FREM1: variants seen among roughly 807,000 people sequenced by gnomAD.
FREM1 encodes the protein FRAS1 related extracellular matrix 1.
A neutral mutation model predicts 210.1 loss-of-function variants in FREM1; 220 were observed. That is an observed-to-expected ratio of 1.05 (90% confidence interval 0.94 to 1.17). The LOEUF (loss-of-function observed/expected upper bound fraction) is 1.17, where lower values mean the gene tolerates loss of function less well. Among genes scored for constraint, FREM1 ranks in the 50% most tolerant of loss-of-function variants. FREM1 has a pLI of 0.00. For missense variants in FREM1, 3,454 were observed against 2,675.5 expected, an observed-to-expected ratio of 1.29 and a Z score of -6.42; for synonymous variants, 1,189 against 980.2, an observed-to-expected ratio of 1.21 and a Z score of -3.98.
intron 1 of FREM1, among the ~76,000 whole-genome samples, chr9:14,870,898 T>C (rs1392244995): frequency 6.7e-6 from 1 of 149,308 alleles, no homozygotes; most frequent in African/African-American, 2.5e-5. Context: ...AGTGAGAATA[T>C]GCGGTGTTTG....
intron 30 of FREM1, among the ~76,000 whole-genome samples, chr9:14,749,695 C>T (rs1195218488): frequency 6.6e-6 from 1 of 152,226 alleles, no homozygotes; most frequent in Non-Finnish European, 1.5e-5. Context: ...CTGCATCTTT[C>T]ACATCTATTT....
intron 31 of FREM1, 33 bp downstream of exon 31, chr9:14,748,368 G>T: frequency 2.6e-6 from 3 of 1,163,380 alleles, no homozygotes; most frequent in Non-Finnish European, 3.8e-6. Flanking sequence ...TATGTATTTT[G>T]CACATCATTT....
rs140996562 is a variant in FREM1, at chr9:14,779,426, G to T, written c.4443-3223C>A. 105 of 918,660 alleles carry T rather than the reference G, an allele frequency of 1.1e-4. 2 individuals are homozygous for T. The East Asian group carries it at 0.01, about 90-fold the overall frequency. 56.9% of individuals were successfully genotyped at this position (918,660 alleles called of 1,614,324 possible). ...AGAAGGAAGAAGAAAGAAGGGGAGA[G>T]ATGGGACCAGGAGCAACAAACCCAA... On this transcript the variant is annotated intron_variant, in intron 24 of 36. Transcript: ENST00000380880.
intron 1 of FREM1, among the ~76,000 whole-genome samples, chr9:14,876,288 C>T (rs1032187990): frequency 6.6e-6 from 1 of 152,182 alleles, no homozygotes; most frequent in Non-Finnish European, 1.5e-5. Context: ...GAGGTGGAGC[C>T]TACAGAGGCA....
rs186137013 is a variant in FREM1 at position 14,779,283 on chromosome 9, A to C, written c.4443-3080T>G. On this transcript the variant is annotated intron_variant, in intron 24 of 36. Transcript: ENST00000380880. The stretch of plus-strand genomic sequence containing the variant: ...CAAGTGTGCTCTGTGGAGAGTGTTA[A>C]ATCAGCCATTGGTACCTTAGCGCAA... 3.2e-3 allele frequency among the ~76,000 whole-genome samples: 482 copies of C among 152,332 alleles called. 4 individuals are homozygous for C. Among genetic ancestry groups the C allele is most frequent in the African/African-American group, 0.011 (455 of 41,578 alleles).
chr9:14,851,515 C>T lies in FREM1; in HGVS notation c.921G>A (p.Val307=), dbSNP rs752047940. 1.5e-5 allele frequency: 24 copies of T among 1,613,822 alleles called. No individual in the cohort carries two copies. In the South Asian group the frequency reaches 1.8e-4, roughly 12 times the overall value. The change falls in exon 6 of 37, where the codon GTG becomes GTA. Residue 307 remains valine (V), a synonymous_variant. Coordinates refer to ENST00000380880, the MANE Select transcript of FREM1 (RefSeq NM_001379081.2). ...AAFMAVFILE[V]DQFILTSLTT... ...TCAAGGAGGTCAGGATGAACTGATC[C>T]ACTTCCAGAATAAACACGGCCATGA...
intron 13 of FREM1, among the ~76,000 whole-genome samples, chr9:14,821,302 G>T (rs1055740659): frequency 6.6e-6 from 1 of 152,020 alleles, no homozygotes; most frequent in African/African-American, 2.4e-5. Flanking sequence ...TAAAAAAAAA[G>T]AGAAGCTACC....
At chr9:14,831,505 G>C (rs1203972935) in intron 10 of FREM1, among the ~76,000 whole-genome samples, 1 of 152,194 alleles carries the variant, frequency 6.6e-6, no homozygotes, top group African/African-American at 2.4e-5. Flanking sequence ...CCACTGGCAG[G>C]AAAATGGCCA....
In FREM1 at chr9:14,842,488, C is replaced by A. The variant is rs372878782; in HGVS notation, c.1566G>T (p.Pro522=). 7 of 1,613,982 alleles carry A rather than the reference C, an allele frequency of 4.3e-6. No individual in the cohort carries two copies. Among genetic ancestry groups the A allele is most frequent in the South Asian group, 1.1e-5 (1 of 91,088 alleles). Residue 522 remains proline, a synonymous_variant, in exon 9 of 37, where the codon CCG becomes CCT. Coordinates refer to ENST00000380880, the MANE Select transcript of FREM1 (RefSeq NM_001379081.2). ...CAATCACAACATTGGTTATGAGGAA[C>A]GGGGGACTATCATCTTTGGGCAAGA... is the stretch of plus-strand genomic sequence containing the variant. ...INVLPKDDSP[P]FLITNVVIEL...
At chr9:14,869,807 C>T (rs1832251301) in intron 1 of FREM1, among the ~76,000 whole-genome samples, 1 of 152,136 alleles carries the variant, frequency 6.6e-6, no homozygotes, top group African/African-American at 2.4e-5. Context: ...AGAAAATATG[C>T]TTTTTTCTAA....
chr9:14,910,029 A>G lies in FREM1; in HGVS notation c.-383T>C, dbSNP rs572924399. On this transcript the variant is annotated 5_prime_UTR_variant, in exon 1 of 37. Transcript: ENST00000380880. ...AAGGGCTTTGAGAGGAAGGGGGAGG[A>G]AAAAGAACCCCGGGAAGGAAGAGAG... is the stretch of plus-strand genomic sequence containing the variant. 1 of 152,354 alleles carries G rather than the reference A, an allele frequency of 6.6e-6. No homozygotes were observed. Among genetic ancestry groups the G allele is most frequent in the Middle Eastern group, 3.4e-3 (1 of 294 alleles). 9.4% of individuals were successfully genotyped at this position (152,354 alleles called of 1,614,324 possible).
chr9:14,894,649 T>C (rs7027934), intron 1 of FREM1, among the ~76,000 whole-genome samples: 1 of 152,172 alleles, frequency 6.6e-6, no homozygotes, highest in African/African-American at 2.4e-5. Flanking sequence ...CTTTGTTTTG[T>C]TTTTTTAGAA....
chr9:14,798,250 A>T (rs1209637727), intron 20 of FREM1, among the ~76,000 whole-genome samples: 2 of 152,302 alleles, frequency 1.3e-5, no homozygotes, highest in East Asian at 3.9e-4. Flanking sequence ...GAAACTGAAA[A>T]CTATCTGGAT....
chr9:14,804,971 T>A lies in FREM1; in HGVS notation c.3456A>T (p.Val1152=). The A allele has an allele frequency of 6.2e-7, 1 of 1,612,016 alleles. No individual in the cohort carries two copies. The highest frequency in any genetic ancestry group is 8.5e-7 in the Non-Finnish European group (1 of 1,178,042). Residue 1152 remains valine (V), a synonymous_variant, in exon 19 of 37, where the codon GTA becomes GTT. Coordinates refer to ENST00000380880, the MANE Select transcript of FREM1 (RefSeq NM_001379081.2). ...TGTTTCTTACAGTAATATTCTGCAC[T>A]ACAAAGTCAGGAGCTTCATCATTTG... ...NPTNDEAPDF[V]VQNITVCEGQ...
intron 25 of FREM1, among the ~76,000 whole-genome samples, chr9:14,774,446 C>T (rs1333855246): frequency 1.3e-5 from 2 of 151,842 alleles, no homozygotes; most frequent in Non-Finnish European, 2.9e-5. Context: ...CCAACGTGCC[C>T]TGTGTATTTC....
At chr9:14,745,011 G>T (rs1033119405) in intron 35 of FREM1, among the ~76,000 whole-genome samples, 8 of 152,166 alleles carry the variant, frequency 5.3e-5, no homozygotes, top group Non-Finnish European at 1.2e-4. Flanking sequence ...GCAAACTAAT[G>T]CAGGAACAGA....
intron 9 of FREM1, 148 bp downstream of exon 9, chr9:14,842,168 G>T: frequency 3.5e-6 from 2 of 573,724 alleles, no homozygotes; most frequent in East Asian, 2.8e-5. Flanking sequence ...TTATGAAATG[G>T]GAATAAAAAT....
At chr9:14,766,563 A>G (rs1045544380) in intron 27 of FREM1, among the ~76,000 whole-genome samples, 1 of 152,092 alleles carries the variant, frequency 6.6e-6, no homozygotes, top group African/African-American at 2.4e-5. Flanking sequence ...AGCATTTCCT[A>G]ATGCTTTTTA....
chr9:14,850,441 G>A (rs1223880474), intron 6 of FREM1: 1 of 151,562 alleles, frequency 6.6e-6, no homozygotes, highest in African/African-American at 2.4e-5. Context: ...GCTCACCTTG[G>A]CAGCACATAT....
Sources: gnomAD v4.1 joint callset for allele counts (sites outside exome capture counted in the v4.1 genomes callset) on GRCh38, gnomAD v4.1.1 for gene constraint, MANE v1.5 for transcripts, NCBI Gene and HGNC (gene_info 2026-07-23, HGNC 2026-07-21) for gene names.